The following SLC22A15 variants were observed in gnomAD, a reference collection of about 807,000 sequenced individuals.
SLC22A15 encodes solute carrier family 22 member 15, also known as flipt 1.
In SLC22A15, 45 loss-of-function variants were observed where a neutral mutation model predicts 62.7. That is an observed-to-expected ratio of 0.72 (90% CI 0.56 to 0.92). SLC22A15 has a LOEUF of 0.92. Ranked by LOEUF, SLC22A15 falls within the 40% of genes least tolerant of loss-of-function variation. The pLI is 0.00. For missense variants in SLC22A15, 622 were observed against 665.6 expected (o/e 0.93, Z 0.72); for synonymous variants, 264 against 267.0 (o/e 0.99, Z 0.11).
intron 2 of SLC22A15, among the ~76,000 whole-genome samples, chr1:116,000,625 CTTTTTTTTTTTT>C (rs56303802): frequency 2.3e-5 from 2 of 88,214 alleles, no homozygotes; most frequent in African/African-American, 8.5e-5. Flanking sequence ...CTTTTTTTTC[CTTTTTTTTTTTT>C]TTTTTTTTTT....
chr1:116,020,210 T>C (rs1656747545), intron 3 of SLC22A15, among the ~76,000 whole-genome samples: 1 of 150,600 alleles, frequency 6.6e-6, no homozygotes, highest in African/African-American at 2.4e-5. Context: ...GTAAACCTTA[T>C]GGTTTTTTAA....
intron 1 of SLC22A15, among the ~76,000 whole-genome samples, chr1:115,984,647 C>T (rs1356376983): frequency 6.6e-6 from 1 of 152,106 alleles, no homozygotes; most frequent in East Asian, 1.9e-4. Context: ...AAACCAGCCT[C>T]AGGCAGATTC....
At chr1:116,037,726 C>T (rs1030543854) in intron 8 of SLC22A15, among the ~76,000 whole-genome samples, 1 of 152,140 alleles carries the variant, frequency 6.6e-6, no homozygotes, top group African/African-American at 2.4e-5. Context: ...TTGCAAATTG[C>T]ACTCGTCATT....
chr1:116,056,673 A>G (rs1658215998), intron 8 of SLC22A15, among the ~76,000 whole-genome samples: 1 of 152,154 alleles, frequency 6.6e-6, no homozygotes, highest in South Asian at 2.1e-4. Context: ...AGGCTACAGT[A>G]ACCAAAACAG....
chr1:116,051,930 T>C (rs1368670294), intron 8 of SLC22A15, among the ~76,000 whole-genome samples: 1 of 152,236 alleles, frequency 6.6e-6, no homozygotes, highest in African/African-American at 2.4e-5. Context: ...GGAGCCAAGA[T>C]GGCCGAATAG....
chr1:116,000,818 G>A (rs1655692474), intron 2 of SLC22A15, among the ~76,000 whole-genome samples: 1 of 151,768 alleles, frequency 6.6e-6, no homozygotes, highest in Non-Finnish European at 1.5e-5. Context: ...TTTTTTAGTA[G>A]AGACGGGGTT....
chr1:116,064,111 A>G (rs1268598228), intron 9 of SLC22A15, among the ~76,000 whole-genome samples: 1 of 152,186 alleles, frequency 6.6e-6, no homozygotes, highest in African/African-American at 2.4e-5. Context: ...CCACTGTCCA[A>G]TATGGTAGTT....
chr1:115,981,763 C>T lies in SLC22A15; in HGVS notation c.87+5049C>T, dbSNP rs116272226. Among the ~76,000 whole-genome samples the T allele has an allele frequency of 3.6e-3, 546 of 152,326 alleles. 4 individuals are homozygous for T. The highest frequency in any genetic ancestry group is 0.013 in the African/African-American group (530 of 41,560). The stretch of plus-strand genomic sequence containing the variant: ...CTGATACCTCTGCAGCACCCAAACC[C>T]CCAGCCGAATGCCTTCCAAGGCCAT... On this transcript the variant is annotated intron_variant, in intron 1 of 11. Coordinates refer to ENST00000369503, the MANE Select transcript of SLC22A15 (RefSeq NM_018420.3).
intron 1 of SLC22A15, among the ~76,000 whole-genome samples, chr1:115,980,942 A>G (rs1261338502): frequency 6.6e-6 from 1 of 152,212 alleles, no homozygotes; most frequent in Non-Finnish European, 1.5e-5. Context: ...TTTAAAAATC[A>G]ATATTCCTTT....
chr1:116,019,608 C>T lies in SLC22A15; in HGVS notation c.327C>T (p.Tyr109=). 1.9e-6 allele frequency: 3 copies of T among 1,610,584 alleles called. No individual in the cohort carries two copies. The highest frequency in any genetic ancestry group is 1.7e-6 in the Non-Finnish European group (2 of 1,178,992). The change falls in exon 3 of 12, where the codon TAC becomes TAT. Residue 109 remains tyrosine, a synonymous_variant. Coordinates refer to ENST00000369503, the MANE Select transcript of SLC22A15 (RefSeq NM_018420.3). Reference sequence around the variant, plus strand: ...GGTTTTTAATTGCCAACAGATCCTACAAAGTCAGTGCAGCAAGCTCTTTTT... The same window carrying T: ...GGTTTTTAATTGCCAACAGATCCTATAAAGTCAGTGCAGCAAGCTCTTTTT... ...SEWFLIANRS[Y]KVSAASSFFF... is the part of the protein sequence containing the mutation.
intron 1 of SLC22A15, among the ~76,000 whole-genome samples, chr1:115,987,711 G>T (rs1315702187): frequency 1.3e-5 from 2 of 152,074 alleles, no homozygotes; most frequent in Admixed American, 1.3e-4. Flanking sequence ...AAAAACTAAA[G>T]GTAATGGCAA....
At chr1:115,996,415 G>T (rs756838781) in intron 2 of SLC22A15, among the ~76,000 whole-genome samples, 21 of 152,094 alleles carry the variant, frequency 1.4e-4, no homozygotes, top group Non-Finnish European at 2.8e-4. Context: ...GAGAATCAAC[G>T]TCTTTACTAT....
intron 2 of SLC22A15, among the ~76,000 whole-genome samples, chr1:116,016,162 T>TTC (rs1470298341): frequency 6.6e-6 from 1 of 151,124 alleles, no homozygotes; most frequent in African/African-American, 2.4e-5. Flanking sequence ...TATCCCTCTC[T>TTC]TCTCTCTGTT....
At chr1:116,066,397 T>C (rs1658499128) in intron 10 of SLC22A15, 123 bp from the exon 11 acceptor site, 6 of 780,368 alleles carry the variant, frequency 7.7e-6, no homozygotes, top group Non-Finnish European at 8.0e-6. Flanking sequence ...TATAGTGTTG[T>C]CTAGTGCGAG....
intron 1 of SLC22A15, among the ~76,000 whole-genome samples, chr1:115,983,137 T>A (rs1208334482): frequency 6.6e-6 from 1 of 152,226 alleles, no homozygotes; most frequent in Non-Finnish European, 1.5e-5. Context: ...TCCAAATATT[T>A]CTGTTTTAAC....
intron 4 of SLC22A15, among the ~76,000 whole-genome samples, chr1:116,024,639 C>A (rs926140274): frequency 6.6e-6 from 1 of 152,156 alleles, no homozygotes; most frequent in Non-Finnish European, 1.5e-5. Flanking sequence ...AAGGGAAAAT[C>A]ATTTGGTTAG....
chr1:116,012,217 C>A (rs144698605), intron 2 of SLC22A15, among the ~76,000 whole-genome samples: 2 of 151,866 alleles, frequency 1.3e-5, no homozygotes, highest in African/African-American at 2.4e-5. Flanking sequence ...CAGGAAAAAA[C>A]GGAAGCAGAC....
At chr1:116,018,440 G>C (rs1570734012) in intron 2 of SLC22A15, among the ~76,000 whole-genome samples, 1 of 151,902 alleles carries the variant, frequency 6.6e-6, no homozygotes, top group Non-Finnish European at 1.5e-5. Context: ...TCTCAGCTCA[G>C]TGCAAGCTCC....
intron 2 of SLC22A15, among the ~76,000 whole-genome samples, chr1:116,005,914 C>A (rs1301313046): frequency 6.6e-6 from 1 of 152,102 alleles, no homozygotes; most frequent in Non-Finnish European, 1.5e-5. Context: ...TTTTGGTATT[C>A]ATTATTACTA....
Sources: gnomAD v4.1 joint callset for allele counts (sites outside exome capture counted in the v4.1 genomes callset) on GRCh38, gnomAD v4.1.1 for gene constraint, MANE v1.5 for transcripts, NCBI Gene and HGNC (gene_info 2026-07-23, HGNC 2026-07-21) for gene names.